TCF12: variants seen among roughly 807,000 people sequenced by gnomAD.
The protein encoded by TCF12 is DNA-binding protein HTF4.
A neutral mutation model predicts 86.0 loss-of-function variants in TCF12; 45 were observed. The ratio of observed to expected loss-of-function variants is 0.52; its 90% confidence interval spans 0.41 to 0.67. The LOEUF (loss-of-function observed/expected upper bound fraction) is 0.67, where lower values mean the gene tolerates loss of function less well. TCF12 is among the 30% of genes least tolerant of loss of function. TCF12 has a pLI of 0.00. For synonymous variants in TCF12, 330 were observed against 299.6 expected (o/e 1.10, Z -1.05); for missense variants, 881 against 859.9 (o/e 1.02, Z -0.31).
At chr15:57,170,662 TA>T (rs2055280988) in intron 6 of TCF12, among the ~76,000 whole-genome samples, 4 of 8,558 alleles carry the variant, frequency 4.7e-4, no homozygotes, top group Non-Finnish European at 2.2e-3. Flanking sequence ...TTATATAAAA[TA>T]TATATATATA....
At chr15:57,146,149 A>T (rs2053346554) in intron 5 of TCF12, among the ~76,000 whole-genome samples, 1 of 152,124 alleles carries the variant, frequency 6.6e-6, no homozygotes, top group Admixed American at 6.5e-5. Context: ...CTTCTATTTA[A>T]TACAGTCTTG....
chr15:57,037,487 A>T (rs191547471), intron 3 of TCF12, among the ~76,000 whole-genome samples: 112 of 152,318 alleles, frequency 7.4e-4, no homozygotes, highest in African/African-American at 2.7e-3. Flanking sequence ...TAACTGTAGG[A>T]TGAAGTAAGT....
chr15:57,101,652 TTTAAATCTTTATC>T (rs1327476418), intron 5 of TCF12, among the ~76,000 whole-genome samples: 2 of 152,226 alleles, frequency 1.3e-5, no homozygotes, highest in Non-Finnish European at 2.9e-5. Flanking sequence ...GTTCTGAGTT[TTTAAATCTTTATC>T]TTGAAAAATG....
At chr15:56,950,739 G>T (rs2140442342) in intron 3 of TCF12, among the ~76,000 whole-genome samples, 1 of 110,132 alleles carries the variant, frequency 9.1e-6, no homozygotes, top group African/African-American at 3.4e-5. Context: ...AAGCTATTAT[G>T]ACCATGTTTT....
At chr15:57,155,191 T>C (rs1425020329) in intron 5 of TCF12, among the ~76,000 whole-genome samples, 2 of 152,176 alleles carry the variant, frequency 1.3e-5, no homozygotes, top group Non-Finnish European at 2.9e-5. Flanking sequence ...TTTTTTCTTT[T>C]CTTCCTTCCT....
intron 13 of TCF12, among the ~76,000 whole-genome samples, chr15:57,250,332 TG>T (rs1275996868): frequency 6.6e-6 from 1 of 152,088 alleles, no homozygotes; most frequent in African/African-American, 2.4e-5. Flanking sequence ...TCCTTCCCCC[TG>T]GGGGAAAAAA....
chr15:57,029,223 A>G (rs2066001118), intron 3 of TCF12, among the ~76,000 whole-genome samples: 2 of 152,078 alleles, frequency 1.3e-5, no homozygotes, highest in Admixed American at 6.5e-5. Context: ...GTTTGAGACT[A>G]TCATGTCTTC....
chr15:57,195,790 A>G (rs2733302), intron 7 of TCF12, among the ~76,000 whole-genome samples: 148,363 of 152,302 alleles, frequency 0.97, 72,385 homozygotes, highest in East Asian at 1. Flanking sequence ...ATCACTTGAG[A>G]CCAGGAGTTC....
At chr15:56,979,178 T>C (rs1380929191) in intron 3 of TCF12, among the ~76,000 whole-genome samples, 3 of 152,218 alleles carry the variant, frequency 2.0e-5, no homozygotes, top group East Asian at 1.9e-4. Flanking sequence ...TACTTTCTTA[T>C]GCTTTACATT....
intron 6 of TCF12, among the ~76,000 whole-genome samples, chr15:57,172,705 TAACGTGTACA>T (rs2055600861): frequency 6.6e-6 from 1 of 151,946 alleles, no homozygotes; most frequent in East Asian, 1.9e-4. Context: ...GGTGATGAAA[TAACGTGTACA>T]AACCTCCCCG....
At chr15:57,090,696 T>C (rs1320262952) in intron 4 of TCF12, among the ~76,000 whole-genome samples, 4 of 152,114 alleles carry the variant, frequency 2.6e-5, no homozygotes, top group Non-Finnish European at 4.4e-5. Flanking sequence ...TGATGATTTT[T>C]TTAGTCCCCG....
rs1340484459 is a variant in TCF12 at position 57,088,583 on chromosome 15, G to C, written c.223-3206G>C. Among the ~76,000 whole-genome samples, 4 of 151,320 alleles carry C rather than the reference G, an allele frequency of 2.6e-5. No homozygotes were observed. In the East Asian group the frequency reaches 5.8e-4, roughly 22 times the overall value. ...TCTGGTGTTTTAATATGGTTTCAGT[G>C]GGGGGTGCCTGGCTGTCACCTTTCT... On this transcript the variant is annotated intron_variant, in intron 4 of 20. Transcript: ENST00000333725.
chr15:57,033,523 AGTG>A (rs2066328236), intron 3 of TCF12, among the ~76,000 whole-genome samples: 1 of 152,258 alleles, frequency 6.6e-6, no homozygotes, highest in Admixed American at 6.5e-5. Flanking sequence ...TGGTGTGAGT[AGTG>A]GTGGCAAGAT....
At chr15:57,077,887 T>C (rs2070269524) in intron 4 of TCF12, among the ~76,000 whole-genome samples, 3 of 152,230 alleles carry the variant, frequency 2.0e-5, no homozygotes, top group Admixed American at 1.3e-4. Flanking sequence ...TAATTTTTTA[T>C]TAGTTACCTA....
rs1427784108 is a variant in TCF12, at chr15:57,231,205, T to C, written c.633T>C (p.Tyr211=). 5 of 1,613,306 alleles carry C rather than the reference T, an allele frequency of 3.1e-6. No individual in the cohort carries two copies. The highest frequency in any genetic ancestry group is 4.2e-6 in the Non-Finnish European group (5 of 1,179,394). Residue 211 remains tyrosine, a synonymous_variant, in exon 9 of 21, where the codon TAT becomes TAC. Coordinates refer to ENST00000333725, the MANE Select transcript of TCF12 (RefSeq NM_207037.2). Reference sequence around the variant, plus strand: ...ATTTCAACCGTGAATCTCCTAGTTATCCATCTCCTAAGCCACCAACCAGTA... The same window carrying C: ...ATTTCAACCGTGAATCTCCTAGTTACCCATCTCCTAAGCCACCAACCAGTA... ...SDDFNRESPS[Y]PSPKPPTSMF...
chr15:57,104,637 C>T (rs1414326460), intron 5 of TCF12, among the ~76,000 whole-genome samples: 2 of 151,164 alleles, frequency 1.3e-5, no homozygotes, highest in African/African-American at 2.4e-5. Context: ...AGTTTTGTCA[C>T]GTTGGCCAGG....
intron 5 of TCF12, among the ~76,000 whole-genome samples, chr15:57,108,022 T>G (rs2151212025): frequency 6.6e-6 from 1 of 152,374 alleles, no homozygotes; most frequent in Non-Finnish European, 1.5e-5. Context: ...TGAGTGATAT[T>G]AGCAAGTGAG....
intron 8 of TCF12, chr15:57,219,497 A>G: frequency 6.2e-7 from 1 of 1,608,668 alleles, no homozygotes. Context: ...CATTAGCTAC[A>G]AATAGTAACA....
intron 5 of TCF12, among the ~76,000 whole-genome samples, chr15:57,107,177 T>G (rs543452314): frequency 6.6e-6 from 1 of 152,246 alleles, no homozygotes; most frequent in African/African-American, 2.4e-5. Flanking sequence ...TGTCCTTCAG[T>G]AGGTGAATGG....
Sources: allele counts gnomAD v4.1 joint callset (sites outside exome capture counted in the v4.1 genomes callset), GRCh38; gene constraint gnomAD v4.1.1; transcripts MANE v1.5; gene names NCBI Gene and HGNC (gene_info 2026-07-23, HGNC 2026-07-21).